GYS2: variants seen among roughly 807,000 people sequenced by gnomAD.
The protein encoded by GYS2 is glycogen synthase 2, also known as glycogen [starch] synthase, liver.
In GYS2, 80 loss-of-function variants were observed where a neutral mutation model predicts 85.6. The ratio of observed to expected loss-of-function variants is 0.93; its 90% CI spans 0.78 to 1.13. The LOEUF (loss-of-function observed/expected upper bound fraction) is 1.13, where lower values mean the gene tolerates loss of function less well. GYS2 is among the 50% of genes most tolerant of loss of function. The pLI is 0.00. For synonymous variants in GYS2, 328 were observed against 300.7 expected, an observed-to-expected ratio of 1.09 and a Z score of -0.94; for missense variants, 881 against 854.9, an observed-to-expected ratio of 1.03 and a Z score of -0.38.
chr12:21,549,562 T>C (rs185598897), intron 11 of GYS2, among the ~76,000 whole-genome samples: 1,910 of 152,354 alleles, frequency 0.013, 38 homozygotes, highest in Non-Finnish European at 0.015. Context: ...CATTTAGTTG[T>C]CACATCGCTT....
chr12:21,579,349 C>CTTTTTT (rs58750123), intron 2 of GYS2, among the ~76,000 whole-genome samples: 1 of 88,726 alleles, frequency 1.1e-5, no homozygotes, highest in African/African-American at 4.1e-5. Flanking sequence ...CTTACTTCTT[C>CTTTTTT]TTTTTTTTTT....
intron 1 of GYS2, among the ~76,000 whole-genome samples, chr12:21,595,762 T>C (rs1407120436): frequency 3.3e-5 from 5 of 152,118 alleles, no homozygotes; most frequent in Non-Finnish European, 7.3e-5. Context: ...TAAACATATA[T>C]GCACCTAACA....
chr12:21,567,575 T>C (rs2136891295), intron 5 of GYS2, among the ~76,000 whole-genome samples: 1 of 151,064 alleles, frequency 6.6e-6, no homozygotes, highest in Admixed American at 6.6e-5. Context: ...ATACCTCTTC[T>C]ACACATTCTG....
At chr12:21,573,158 C>T (rs901746369) in intron 4 of GYS2, among the ~76,000 whole-genome samples, 3 of 152,128 alleles carry the variant, frequency 2.0e-5, no homozygotes, top group Non-Finnish European at 4.4e-5. Flanking sequence ...TCAGAAAGAA[C>T]GTTCTTGCGC....
chr12:21,572,113 T>C (rs1359577714), intron 4 of GYS2, among the ~76,000 whole-genome samples: 1 of 152,172 alleles, frequency 6.6e-6, no homozygotes, highest in African/African-American at 2.4e-5. Context: ...CTTTAAAAAA[T>C]GAATTTGGAG....
At chr12:21,556,370 C>T (rs2136868653) in intron 11 of GYS2, among the ~76,000 whole-genome samples, 1 of 152,184 alleles carries the variant, frequency 6.6e-6, no homozygotes, top group Middle Eastern at 3.4e-3. Flanking sequence ...AGGGTTTCAC[C>T]ATGTTGCCCA....
chr12:21,598,315 T>C (rs536523189), intron 1 of GYS2, among the ~76,000 whole-genome samples: 1 of 152,220 alleles, frequency 6.6e-6, no homozygotes, highest in East Asian at 1.9e-4. Context: ...ATGTACCTGA[T>C]ACATATAAAC....
intron 6 of GYS2, 89 bp from the exon 7 acceptor site, chr12:21,563,127 G>T (rs1944275764): frequency 4.3e-6 from 5 of 1,165,010 alleles, no homozygotes; most frequent in Admixed American, 1.7e-5. Context: ...TACAAAGGGG[G>T]CTGGGAAAGA....
At chr12:21,545,793 C>T (rs536421684) in intron 12 of GYS2, among the ~76,000 whole-genome samples, 7 of 152,220 alleles carry the variant, frequency 4.6e-5, no homozygotes, top group Non-Finnish European at 7.3e-5. Context: ...GCTAATCTCT[C>T]TTAGTACCTT....
chr12:21,571,245 T>C (rs1944381428), intron 4 of GYS2, among the ~76,000 whole-genome samples: 1 of 152,210 alleles, frequency 6.6e-6, no homozygotes, highest in African/African-American at 2.4e-5. Flanking sequence ...AGGTCTGTAG[T>C]ACGCGTGGCC....
chr12:21,600,514 C>T (rs940613378), intron 1 of GYS2, among the ~76,000 whole-genome samples: 10 of 151,898 alleles, frequency 6.6e-5, no homozygotes, highest in Non-Finnish European at 1.2e-4. Flanking sequence ...CGTTAGGTCT[C>T]GGGAAGGATG....
At chr12:21,550,935 C>G (rs1465473391) in intron 11 of GYS2, among the ~76,000 whole-genome samples, 2 of 152,052 alleles carry the variant, frequency 1.3e-5, no homozygotes, top group Admixed American at 6.6e-5. Flanking sequence ...GAGCGAGACT[C>G]CATTTCAAAA....
At position 21,540,527 on chromosome 12, in the gene GYS2, G is replaced by C. The variant is rs752836596; in HGVS notation, c.1692C>G (p.Cys564Trp). The C allele has an allele frequency of 6.2e-7, 1 of 1,613,478 alleles. No individual in the cohort carries two copies. Among genetic ancestry groups the C allele is most frequent in the East Asian group, 2.2e-5 (1 of 44,856 alleles). Residue 564 changes from cysteine to tryptophan, a missense_variant, in exon 14 of 16, where the codon TGC (cysteine) becomes TGG (tryptophan). Cys to Trp is a radical substitution (Grantham distance 215). Transcript: ENST00000261195. Reference sequence around the variant, plus strand: ...CATAGAGAAACTTAGTCAGCTGATTGCAAGAATCATCTGGAGAACGGAACC... The same window carrying C: ...CATAGAGAAACTTAGTCAGCTGATTCCAAGAATCATCTGGAGAACGGAACC... ...DRRFRSPDDS[C>W]NQLTKFLYGF...
At chr12:21,593,703 A>G (rs1392401228) in intron 1 of GYS2, among the ~76,000 whole-genome samples, 1 of 152,068 alleles carries the variant, frequency 6.6e-6, no homozygotes, top group African/African-American at 2.4e-5. Context: ...GAAAACTAAC[A>G]AGTCTCCTTA....
At position 21,568,867 on chromosome 12, in the gene GYS2, G is replaced by C. The variant is rs770708497; in HGVS notation, c.821C>G (p.Pro274Arg). The change falls in exon 5 of 16, where the codon CCT becomes CGT. Residue 274 changes from proline (P) to arginine (R), a missense_variant and splice_region_variant. Transcript: ENST00000261195. ...IEAEHMLKRKPDVVTPNGLNV... is the reference protein window; with the variant it reads ...IEAEHMLKRKRDVVTPNGLNV... The stretch of plus-strand genomic sequence containing the variant: ...GGTGATCCAGGGATAATAATTACCA[G>C]GCTTTCTCTTCAGCATATGTTCAGC... 2.7e-5 allele frequency: 43 copies of C among 1,611,850 alleles called. No individual in the cohort carries two copies. The highest frequency in any genetic ancestry group is 3.7e-5 in the Non-Finnish European group (43 of 1,177,940).
Position 21,553,988 on chromosome 12 carries a change from G to A in GYS2, c.1422+4212C>T, listed in dbSNP as rs376260660. Among the ~76,000 whole-genome samples, 6 of 152,184 alleles carry A rather than the reference G, an allele frequency of 3.9e-5. No homozygotes were observed. The East Asian group carries it at 7.7e-4, about 20-fold the overall frequency. On this transcript the variant is annotated intron_variant, in intron 11 of 15. Transcript: ENST00000261195. Reference sequence around the variant, plus strand: ...TGAAAAGCCATGTTGAGTGGTCTTCGACCACTGCTTTTCCCCTGTGTGAGG... The same window carrying A: ...TGAAAAGCCATGTTGAGTGGTCTTCAACCACTGCTTTTCCCCTGTGTGAGG...
intron 13 of GYS2, 44 bp downstream of exon 13, chr12:21,542,452 G>C: frequency 8.6e-7 from 1 of 1,167,696 alleles, no homozygotes; most frequent in Non-Finnish European, 1.3e-6. Context: ...TGTTTGGTTA[G>C]AGGTCATGTC....
At chr12:21,566,883 AC>A (rs1944327354) in intron 5 of GYS2, among the ~76,000 whole-genome samples, 1 of 152,208 alleles carries the variant, frequency 6.6e-6, no homozygotes, top group Admixed American at 6.5e-5. Context: ...TCTTAAGAAA[AC>A]AAAAATTTAA....
intron 13 of GYS2, among the ~76,000 whole-genome samples, chr12:21,542,052 C>CTTTT (rs71053320): frequency 6.7e-6 from 1 of 149,530 alleles, no homozygotes. Flanking sequence ...TATAAATCTA[C>CTTTT]TTTTTTTTTT....
Sources: gnomAD v4.1 joint callset for allele counts (sites outside exome capture counted in the v4.1 genomes callset) on GRCh38, gnomAD v4.1.1 for gene constraint, MANE v1.5 for transcripts, NCBI Gene and HGNC (gene_info 2026-07-23, HGNC 2026-07-21) for gene names.